Variants in DENND2B observed in about 807,000 individuals in gnomAD.
The protein encoded by DENND2B is DENN domain containing 2B, also known as DENN domain-containing protein 2B.
Under a neutral mutation model 116.0 loss-of-function variants are expected in DENND2B, and 32 were observed. The observed-to-expected ratio is 0.28, with a 90% CI of 0.21 to 0.37. The LOEUF (loss-of-function observed/expected upper bound fraction) is 0.37, where lower values mean the gene tolerates loss of function less well. DENND2B is among the 10% of genes least tolerant of loss of function. The pLI is 1.00. For synonymous variants in DENND2B, 588 were observed against 583.9 expected (o/e 1.01, Z -0.10); for missense variants, 1,276 against 1,477.7 (o/e 0.86, Z 2.24).
In DENND2B at chr11:8,707,768, G is replaced by A. The variant is rs1565658991; in HGVS notation, c.2430+9C>T. 6.2e-7 allele frequency: 1 copy of A among 1,603,260 alleles called. No homozygotes were observed. The highest frequency in any genetic ancestry group is 2.2e-5 in the East Asian group (1 of 44,544). Reference sequence around the variant, plus strand: ...GGGACGGGGAGGGAAGCCTGCCAGAGCCTCTTACCTTGGAAAACAAGCCGA... The same window carrying A: ...GGGACGGGGAGGGAAGCCTGCCAGAACCTCTTACCTTGGAAAACAAGCCGA... On this transcript the variant is annotated intron_variant, in intron 12 of 19. Coordinates refer to ENST00000313726, the MANE Select transcript of DENND2B (RefSeq NM_213618.2). This position sits in a 1 kb window ranked among gnomAD's most constrained non-coding sequence, Gnocchi z 4.8.
In DENND2B at chr11:8,712,472, C is replaced by G. The variant is rs909644374; in HGVS notation, c.2172+79G>C. Reference sequence around the variant, plus strand: ...AGGACGTATGACGAACAAGATCTCTCTCCTTCCCCAGATAGGCCTGGCGGA... The same window carrying G: ...AGGACGTATGACGAACAAGATCTCTGTCCTTCCCCAGATAGGCCTGGCGGA... On this transcript the variant is annotated intron_variant, in intron 9 of 19. Transcript: ENST00000313726. This position sits in a 1 kb window ranked among gnomAD's most constrained non-coding sequence, Gnocchi z 4.4. 7.0e-7 allele frequency: 1 copy of G among 1,438,682 alleles called. No homozygotes were observed. Among genetic ancestry groups the G allele is most frequent in the Non-Finnish European group, 9.4e-7 (1 of 1,069,320 alleles). 89.1% of individuals were successfully genotyped at this position (1,438,682 alleles called of 1,614,324 possible).
At chr11:8,741,761 T>G (rs1353951155) in intron 2 of DENND2B, among the ~76,000 whole-genome samples, 1 of 152,178 alleles carries the variant, frequency 6.6e-6, no homozygotes. Context: ...AAAGGGTACA[T>G]GTAGGTGTTC....
Position 8,702,631 on chromosome 11 carries a change from G to A in DENND2B, c.2661C>T (p.Ile887=). 3 of 1,613,966 alleles carry A rather than the reference G, an allele frequency of 1.9e-6. No individual in the cohort carries two copies. Among genetic ancestry groups the A allele is most frequent in the Non-Finnish European group, 2.5e-6 (3 of 1,180,044 alleles). ...CCAGCAGCAGTGAGGCAAAGATTCG[G>A]ATGAGCTGGCGCACACTGAGGCAGG... ...LFTCLSVRQL[I]RIFASLLLER... is the part of the protein sequence containing the mutation. Residue 887 remains isoleucine (I), a synonymous_variant, in exon 14 of 20, where the codon ATC becomes ATT. Transcript: ENST00000313726. This position sits in a 1 kb window ranked among gnomAD's most constrained non-coding sequence, Gnocchi z 4.6.
chr11:8,909,451 GAGA>G (rs1176155737), intron 1 of DENND2B, among the ~76,000 whole-genome samples: 1 of 151,060 alleles, frequency 6.6e-6, no homozygotes, highest in African/African-American at 2.4e-5. Context: ...GAAGGAGAAG[GAGA>G]AGGAGAAGGA....
chr11:8,723,860 A>G (rs767401766), intron 4 of DENND2B, among the ~76,000 whole-genome samples: 5 of 152,210 alleles, frequency 3.3e-5, no homozygotes, highest in Admixed American at 6.5e-5. Context: ...ATGGCTACAT[A>G]CTATACGCTC....
intron 1 of DENND2B, among the ~76,000 whole-genome samples, chr11:8,786,581 C>CGGGA (rs2058922982): frequency 6.6e-6 from 1 of 152,110 alleles, no homozygotes; most frequent in Non-Finnish European, 1.5e-5. Flanking sequence ...GAGGCCAAGG[C>CGGGA]GGGAGGTCTC....
chr11:8,777,984 A>G (rs542423628), intron 1 of DENND2B, among the ~76,000 whole-genome samples: 3 of 152,318 alleles, frequency 2.0e-5, no homozygotes, highest in East Asian at 3.9e-4. Context: ...CTCAGTCTCT[A>G]CTAAGGAAGC....
Position 8,718,467 on chromosome 11 carries a change from GTGT to G in DENND2B, c.1478-578_1478-576del, listed in dbSNP as rs1375101103. The G allele has an allele frequency of 1.6e-5, 24 of 1,497,046 alleles. No individual in the cohort carries two copies. In the South Asian group the frequency reaches 2.0e-4, roughly 13 times the overall value. 92.7% of individuals were successfully genotyped at this position (1,497,046 alleles called of 1,614,324 possible). ...AACAAGTCTTTTAGGGCAGGGTTTTGTGTTGTTCACTGAGGCAACCTCGGAACG... is the reference window on the plus strand; with the variant it reads ...AACAAGTCTTTTAGGGCAGGGTTTTGTGTTCACTGAGGCAACCTCGGAACG... On this transcript the variant is annotated intron_variant, in intron 4 of 19. Transcript: ENST00000313726.
intron 2 of DENND2B, among the ~76,000 whole-genome samples, chr11:8,739,857 G>A (rs911172364): frequency 5.3e-5 from 8 of 152,184 alleles, no homozygotes; most frequent in African/African-American, 1.9e-4. Context: ...GAAAGAATAT[G>A]AGCTAAGGTA....
intron 1 of DENND2B, among the ~76,000 whole-genome samples, chr11:8,897,030 G>C (rs1426858300): frequency 1.3e-5 from 2 of 152,110 alleles, no homozygotes; most frequent in Non-Finnish European, 2.9e-5. Context: ...CCTGAGGTCA[G>C]CAGTTCAAGA....
chr11:8,696,395 AT>A (rs1384615118), intron 18 of DENND2B, 31 bp downstream of exon 18: 3 of 1,609,646 alleles, frequency 1.9e-6, no homozygotes, highest in African/African-American at 1.3e-5. Flanking sequence ...GGGTGAAAAA[AT>A]TAGAGAAGAG....
intron 1 of DENND2B, among the ~76,000 whole-genome samples, chr11:8,765,562 C>T (rs1351720145): frequency 6.6e-6 from 1 of 152,182 alleles, no homozygotes; most frequent in Admixed American, 6.5e-5. Context: ...CAATGTGGAA[C>T]AGGAAATAAG....
In DENND2B at chr11:8,707,525, C is replaced by T. The variant is rs190990693; in HGVS notation, c.2430+252G>A. Among the ~76,000 whole-genome samples the T allele has an allele frequency of 1.1e-4, 17 of 152,358 alleles. No homozygotes were observed. In the East Asian group the frequency reaches 3.3e-3, roughly 29 times the overall value. On this transcript the variant is annotated intron_variant, in intron 12 of 19. Transcript: ENST00000313726. The surrounding 1 kb of genome is among the most constrained non-coding windows in gnomAD (Gnocchi z 4.8). Reference sequence around the variant, plus strand: ...TGCTTCCCCAAGGACTCTGGCTCTGCCTAGGGCCCAGGGTGGGCTGTGACA... The same window carrying T: ...TGCTTCCCCAAGGACTCTGGCTCTGTCTAGGGCCCAGGGTGGGCTGTGACA...
At chr11:8,711,938 G>C (rs184515080) in intron 9 of DENND2B, 11 of 455,194 alleles carry the variant, frequency 2.4e-5, no homozygotes, top group Non-Finnish European at 4.4e-5. Flanking sequence ...GCTCCATGCA[G>C]GTGTCTGGAC....
chr11:8,822,077 T>A (rs564234739), intron 4 of DENND2B, among the ~76,000 whole-genome samples: 1 of 152,316 alleles, frequency 6.6e-6, no homozygotes, highest in South Asian at 2.1e-4. Flanking sequence ...CAATTACTGG[T>A]AAGGACACAG....
intron 2 of DENND2B, among the ~76,000 whole-genome samples, chr11:8,733,960 G>A (rs991111063): frequency 1.3e-5 from 2 of 152,124 alleles, no homozygotes; most frequent in African/African-American, 2.4e-5. Flanking sequence ...TGGGACCCAC[G>A]GCTTCACGTG....
intron 2 of DENND2B, among the ~76,000 whole-genome samples, chr11:8,749,742 T>C (rs1442858489): frequency 9.9e-5 from 15 of 152,210 alleles, no homozygotes. Flanking sequence ...ATCCTTCTCA[T>C]AGCTATCCAT....
At chr11:8,759,850 AG>A (rs1434614368) in intron 1 of DENND2B, among the ~76,000 whole-genome samples, 4 of 152,210 alleles carry the variant, frequency 2.6e-5, no homozygotes, top group Non-Finnish European at 5.9e-5. Context: ...AGCTCCCCAG[AG>A]GAGGGCTGCC....
rs201306061 is a variant in DENND2B, at chr11:8,750,745, G to A, written c.-25-20C>T. 155 of 1,611,894 alleles carry A rather than the reference G, an allele frequency of 9.6e-5. No homozygotes were observed. The African/African-American group carries it at 1.5e-3, about 15-fold the overall frequency. ...AGAGCCCTGCAAAGACGACAATGCCGGTAAGCCAAGTTTCTATAGGCAGCC... is the reference window on the plus strand; with the variant it reads ...AGAGCCCTGCAAAGACGACAATGCCAGTAAGCCAAGTTTCTATAGGCAGCC... On this transcript the variant is annotated intron_variant, in intron 1 of 19. Transcript: ENST00000313726.
Sources: allele counts gnomAD v4.1 joint callset (sites outside exome capture counted in the v4.1 genomes callset), GRCh38; gene constraint gnomAD v4.1.1; non-coding constraint Gnocchi (gnomAD v3.1); transcripts MANE v1.5; gene names NCBI Gene and HGNC (gene_info 2026-07-23, HGNC 2026-07-21).